The following ZFYVE28 variants were observed in gnomAD, a reference collection of about 807,000 sequenced individuals.
ZFYVE28 encodes the protein zinc finger FYVE-type containing 28, also known as lateral signaling target protein 2 homolog.
A neutral mutation model predicts 82.1 loss-of-function variants in ZFYVE28; 40 were observed. The ratio of observed to expected loss-of-function variants is 0.49; its 90% CI spans 0.38 to 0.63. The LOEUF (loss-of-function observed/expected upper bound fraction) is 0.63. ZFYVE28 is among the 30% of genes least tolerant of loss of function. The probability of loss-of-function intolerance (pLI) is 0.00; values close to 1 mark genes in which losing one functional copy is unlikely to be tolerated. For missense variants in ZFYVE28, 1,321 were observed against 1,242.1 expected, an observed-to-expected ratio of 1.06 and a Z score of -0.96; for synonymous variants, 612 against 546.1, an observed-to-expected ratio of 1.12 and a Z score of -1.68.
chr4:2,303,415 G>A (rs538514689), intron 8 of ZFYVE28, among the ~76,000 whole-genome samples: 70 of 152,270 alleles, frequency 4.6e-4, no homozygotes, highest in African/African-American at 9.6e-4. Flanking sequence ...CGGCTCCCAC[G>A]GCTCCTGGTG....
chr4:2,370,216 C>T (rs1173254514), intron 1 of ZFYVE28, among the ~76,000 whole-genome samples: 1 of 152,040 alleles, frequency 6.6e-6, no homozygotes, highest in Non-Finnish European at 1.5e-5. Context: ...ATGAAGATGC[C>T]CCTCTCCCAC....
chr4:2,360,191 T>A (rs551178428), intron 1 of ZFYVE28, among the ~76,000 whole-genome samples: 1 of 144,088 alleles, frequency 6.9e-6, no homozygotes, highest in East Asian at 2.1e-4. Flanking sequence ...AAGCTCCGAG[T>A]GTCTTCACGA....
intron 5 of ZFYVE28, 58 bp downstream of exon 5, chr4:2,337,349 G>C: frequency 6.7e-7 from 1 of 1,489,992 alleles, no homozygotes; most frequent in African/African-American, 1.4e-5. Flanking sequence ...CCCGGGCCTG[G>C]AGTGAGGCAG....
In ZFYVE28 at chr4:2,304,353, C is replaced by A. The variant is rs748116632; in HGVS notation, c.1987G>T (p.Ala663Ser). Residue 663 changes from alanine to serine, a missense_variant, in exon 8 of 13, where the codon GCC (alanine) becomes TCC (serine). Around this residue, in one of 2 missense-constraint regions of ZFYVE28, gnomAD observed 978 missense variants for 833.7 expected, o/e 1.17. Coordinates refer to ENST00000290974, the MANE Select transcript of ZFYVE28 (RefSeq NM_020972.3). ...GGGCTCCCAGCATGCAGCTCTCTGG[C>A]CTCTGGCTCCTGCTGACCTGCAACC... ...AGVAGQQEPEARELHAGSPSA... is the reference protein window; with the variant it reads ...AGVAGQQEPESRELHAGSPSA... 5 of 1,609,242 alleles carry A rather than the reference C, an allele frequency of 3.1e-6. No homozygotes were observed. The South Asian group carries it at 3.3e-5, about 11-fold the overall frequency.
At chr4:2,274,800 C>A (rs902890791) in intron 8 of ZFYVE28, among the ~76,000 whole-genome samples, 12 of 150,572 alleles carry the variant, frequency 8.0e-5, no homozygotes, top group Non-Finnish European at 1.5e-4. Flanking sequence ...CAGGAGAGCC[C>A]ATGTGACCAC....
intron 1 of ZFYVE28, among the ~76,000 whole-genome samples, chr4:2,406,291 G>A (rs1267430951): frequency 6.8e-6 from 1 of 147,220 alleles, no homozygotes; most frequent in African/African-American, 2.4e-5. Context: ...AGAATCACTT[G>A]AACCCAGGAG....
chr4:2,340,588 A>G (rs1722629033), intron 3 of ZFYVE28, among the ~76,000 whole-genome samples: 1 of 152,080 alleles, frequency 6.6e-6, no homozygotes, highest in South Asian at 2.1e-4. Flanking sequence ...GGGCACCAGG[A>G]CCACACAAGG....
chr4:2,411,615 G>A (rs1414383056), intron 1 of ZFYVE28, among the ~76,000 whole-genome samples: 1 of 152,188 alleles, frequency 6.6e-6, no homozygotes, highest in Admixed American at 6.5e-5. Flanking sequence ...CCAGCTCTGG[G>A]GTCCCGCGGA....
At chr4:2,387,010 C>T (rs1280604060) in intron 1 of ZFYVE28, among the ~76,000 whole-genome samples, 4 of 152,118 alleles carry the variant, frequency 2.6e-5, no homozygotes, top group African/African-American at 7.3e-5. Flanking sequence ...ATGGAGATCT[C>T]CGGACACAGC....
At chr4:2,378,284 G>A (rs1560309244) in intron 1 of ZFYVE28, among the ~76,000 whole-genome samples, 1 of 152,122 alleles carries the variant, frequency 6.6e-6, no homozygotes, top group Admixed American at 6.5e-5. Context: ...GAAGTTGCAG[G>A]GAACTGAGAT....
intron 1 of ZFYVE28, among the ~76,000 whole-genome samples, chr4:2,398,721 G>GC (rs1354001482): frequency 1.6e-4 from 11 of 69,832 alleles, no homozygotes; most frequent in Non-Finnish European, 2.9e-4. Context: ...ACAAGCGGGG[G>GC]CAAGATCGAG....
At position 2,304,924 on chromosome 4, in the gene ZFYVE28, G is replaced by C. The variant is rs1451294391; in HGVS notation, c.1416C>G (p.Ser472Arg). The change falls in exon 8 of 13, where the codon AGC becomes AGG. Residue 472 changes from serine to arginine, a missense_variant. Around this residue, in one of 2 missense-constraint regions of ZFYVE28, gnomAD observed 978 missense variants for 833.7 expected, o/e 1.17. Coordinates refer to ENST00000290974, the MANE Select transcript of ZFYVE28 (RefSeq NM_020972.3). ...NLEAEGTDGA[S>R]LAGTSSCSCL... The stretch of plus-strand genomic sequence containing the variant: ...AGCTGCAGGAGCTGGTGCCCGCGAG[G>C]CTGGCCCCATCTGTGCCCTCGGCCT... 15 of 1,612,722 alleles carry C rather than the reference G, an allele frequency of 9.3e-6. No individual in the cohort carries two copies. The highest frequency in any genetic ancestry group is 1.1e-5 in the Non-Finnish European group (13 of 1,179,874).
chr4:2,382,431 GA>G (rs1728822926), intron 1 of ZFYVE28, among the ~76,000 whole-genome samples: 1 of 152,228 alleles, frequency 6.6e-6, no homozygotes, highest in Admixed American at 6.5e-5. Flanking sequence ...AAGACGATGG[GA>G]ACCCACCTCT....
Position 2,335,610 on chromosome 4 carries a change from G to A in ZFYVE28, c.701+95C>T. 8.4e-7 allele frequency: 1 copy of A among 1,188,892 alleles called. No homozygotes were observed. Among genetic ancestry groups the A allele is most frequent in the African/African-American group, 1.5e-5 (1 of 66,272 alleles). The allele number at this position is 1,188,892 out of a possible 1,614,324, so 73.6% of individuals were successfully genotyped here. A position where few individuals can be genotyped will look rare whatever the true frequency, so the allele number is the denominator to read the frequency against. ...AGCTGAGCGGCCACCGTGAGGTGGA[G>A]ACGCCATGGACCGGCACCCGCACGG... On this transcript the variant is annotated intron_variant, in intron 6 of 12. Coordinates refer to ENST00000290974, the MANE Select transcript of ZFYVE28 (RefSeq NM_020972.3). The surrounding 1 kb of genome is among the most constrained non-coding windows in gnomAD (Gnocchi z 5.8).
In ZFYVE28 at chr4:2,274,167, C is replaced by T. The variant is rs1468973949; in HGVS notation, c.2101G>A (p.Ala701Thr). 1.9e-6 allele frequency: 3 copies of T among 1,613,720 alleles called. No homozygotes were observed. The change falls in exon 9 of 13, where the codon GCC (alanine) becomes ACC (threonine). Residue 701 changes from alanine to threonine, a missense_variant. This residue lies in a region of ZFYVE28 where 978 missense variants were observed against 833.7 expected (regional missense o/e 1.17). Coordinates refer to ENST00000290974, the MANE Select transcript of ZFYVE28 (RefSeq NM_020972.3). ...CSSDKMGPEA[A>T]PAATHAAPQA... ...GGGGCAGCATGCGTGGCTGCTGGGG[C>T]CGCCTCTGGCCCCATCTTGTCTGAG...
chr4:2,375,876 A>AT (rs1728079701), intron 1 of ZFYVE28, among the ~76,000 whole-genome samples: 1 of 109,296 alleles, frequency 9.1e-6, no homozygotes, highest in African/African-American at 3.4e-5. Flanking sequence ...CTGGTCAAAT[A>AT]ATTTTTTTTT....
chr4:2,308,683 G>GAAAGAGAAAGAAAGAAAAGAAAAGA (rs1553830775), intron 7 of ZFYVE28, among the ~76,000 whole-genome samples: 42 of 81,496 alleles, frequency 5.2e-4, no homozygotes, highest in African/African-American at 2.1e-3. Flanking sequence ...GAAAGAGAAA[G>GAAAGAGAAAGAAAGAAAAGAAAAGA]AAAGAAAAGA....
intron 5 of ZFYVE28, among the ~76,000 whole-genome samples, chr4:2,336,741 GGAGGTGAGGAATGAT>G (rs1034099597): frequency 1.3e-5 from 2 of 151,256 alleles, no homozygotes; most frequent in South Asian, 2.1e-4. Flanking sequence ...TGAGGAGTAA[GGAGGTGAGGAATGAT>G]GAGGTGAGGA....
chr4:2,399,310 G>A (rs989389584), intron 1 of ZFYVE28, among the ~76,000 whole-genome samples: 10 of 152,270 alleles, frequency 6.6e-5, no homozygotes, highest in South Asian at 4.1e-4. Flanking sequence ...CAGCCTGTCC[G>A]TCTGTCCAGT....
Sources: allele counts gnomAD v4.1 joint callset (sites outside exome capture counted in the v4.1 genomes callset), GRCh38; gene constraint gnomAD v4.1.1; regional missense constraint gnomAD v4.1.1; non-coding constraint Gnocchi (gnomAD v3.1); transcripts MANE v1.5; gene names NCBI Gene and HGNC (gene_info 2026-07-23, HGNC 2026-07-21).